The following SEMA5A variants were observed in gnomAD, a reference collection of about 807,000 sequenced individuals.
SEMA5A encodes semaphorin 5A.
SEMA5A carries 55 observed loss-of-function variants against 135.5 expected under a neutral mutation model. The ratio of observed to expected loss-of-function variants is 0.41; its 90% CI spans 0.33 to 0.51. SEMA5A has a LOEUF of 0.51. Among genes scored for constraint, SEMA5A ranks in the 20% least tolerant of loss-of-function variants. The probability of loss-of-function intolerance (pLI) is 0.37; values close to 1 mark genes in which losing one functional copy is unlikely to be tolerated. For missense variants in SEMA5A, 1,290 were observed against 1,419.9 expected, an observed-to-expected ratio of 0.91 and a Z score of 1.47; for synonymous variants, 580 against 546.5, an observed-to-expected ratio of 1.06 and a Z score of -0.85.
intron 5 of SEMA5A, among the ~76,000 whole-genome samples, chr5:9,296,439 A>T (rs1579298468): frequency 6.6e-6 from 1 of 152,332 alleles, no homozygotes; most frequent in East Asian, 1.9e-4. Context: ...CTATAAGTAC[A>T]TGATGTGACA....
intron 8 of SEMA5A, among the ~76,000 whole-genome samples, chr5:9,211,701 C>T (rs542255811): frequency 6.9e-4 from 105 of 152,322 alleles, no homozygotes; most frequent in African/African-American, 2.5e-3. Flanking sequence ...AGGAGATTTT[C>T]ATCCTCCAAG....
intron 16 of SEMA5A, among the ~76,000 whole-genome samples, chr5:9,087,710 T>G (rs982933507): frequency 1.3e-5 from 2 of 152,126 alleles, no homozygotes; most frequent in Non-Finnish European, 2.9e-5. Context: ...CCAGTTCATA[T>G]ATAAGGTTAT....
intron 3 of SEMA5A, among the ~76,000 whole-genome samples, chr5:9,351,712 T>G (rs1288548219): frequency 6.6e-6 from 1 of 152,142 alleles, no homozygotes; most frequent in Non-Finnish European, 1.5e-5. Context: ...ACATCATGAG[T>G]GTCCCCAGTT....
At chr5:9,280,825 C>T (rs1750503721) in intron 5 of SEMA5A, 4 of 428,614 alleles carry the variant, frequency 9.3e-6, no homozygotes, top group Non-Finnish European at 1.9e-5. Flanking sequence ...GAAATTGTTC[C>T]AATTATGAAT....
chr5:9,318,830 T>G (rs1217011853), intron 4 of SEMA5A, among the ~76,000 whole-genome samples: 5 of 152,238 alleles, frequency 3.3e-5, no homozygotes, highest in Non-Finnish European at 7.3e-5. Flanking sequence ...ATTAAGATTT[T>G]GAATTCAAGC....
intron 5 of SEMA5A, among the ~76,000 whole-genome samples, chr5:9,274,047 AT>A (rs1358845212): frequency 6.6e-6 from 1 of 152,176 alleles, no homozygotes. Context: ...AGACTGGCAA[AT>A]TGGATAAAGA....
intron 1 of SEMA5A, among the ~76,000 whole-genome samples, chr5:9,446,211 G>A (rs975254975): frequency 6.6e-6 from 1 of 152,170 alleles, no homozygotes; most frequent in Non-Finnish European, 1.5e-5. Context: ...CTGGCACTCA[G>A]TATTGCCTCA....
At position 9,037,796 on chromosome 5, in the gene SEMA5A, A is replaced by G. The variant is rs1375945921; in HGVS notation, c.*5101T>C. ...CTGAATTCCTTGGCTTAGTGTTTGT[A>G]GAGTTTAAAAAAAAATCTTTAAATC... On this transcript the variant is annotated 3_prime_UTR_variant, in exon 23 of 23. Coordinates refer to ENST00000382496, the MANE Select transcript of SEMA5A (RefSeq NM_003966.3). 1.3e-5 allele frequency: 2 copies of G among 152,324 alleles called. No individual in the cohort carries two copies. Among genetic ancestry groups the G allele is most frequent in the East Asian group, 3.9e-4 (2 of 5,184 alleles). 9.4% of individuals were successfully genotyped at this position (152,324 alleles called of 1,614,324 possible).
rs111814472 is a variant in SEMA5A at position 9,353,386 on chromosome 5, A to G, written c.125-15574T>C. On this transcript the variant is annotated intron_variant, in intron 3 of 22. Transcript: ENST00000382496. ...AGGAAAGGAAAGGAAAGGAAAGGAA[A>G]GGAAAGGAAGGGAAAGAAAGGAAGG... Among the ~76,000 whole-genome samples the G allele has an allele frequency of 8.9e-3, 1,264 of 142,330 alleles. 29 individuals carry two copies. The highest frequency in any genetic ancestry group is 0.033 in the African/African-American group (1,173 of 36,088). 93.4% of individuals were successfully genotyped at this position (142,330 alleles called of 152,430 possible).
chr5:9,521,024 A>C (rs1176794954), intron 1 of SEMA5A, among the ~76,000 whole-genome samples: 1 of 152,250 alleles, frequency 6.6e-6, no homozygotes, highest in African/African-American at 2.4e-5. Context: ...ACACAAGTGC[A>C]AGGCGTTAGC....
chr5:9,060,044 G>C (rs548658620), intron 18 of SEMA5A, among the ~76,000 whole-genome samples: 1 of 152,210 alleles, frequency 6.6e-6, no homozygotes, highest in Non-Finnish European at 1.5e-5. Context: ...CACACCCCTA[G>C]CACTTCCAAC....
chr5:9,328,272 C>T (rs1272932679), intron 4 of SEMA5A, among the ~76,000 whole-genome samples: 1 of 152,238 alleles, frequency 6.6e-6, no homozygotes, highest in African/African-American at 2.4e-5. Flanking sequence ...CCTCTACTCT[C>T]ACCTGATCCA....
chr5:9,446,395 G>A (rs536380274), intron 1 of SEMA5A, among the ~76,000 whole-genome samples: 1 of 152,194 alleles, frequency 6.6e-6, no homozygotes, highest in Admixed American at 6.5e-5. Context: ...TGCTCAAAAT[G>A]AGCAATTTCT....
chr5:9,057,547 T>C (rs373219203), intron 18 of SEMA5A, among the ~76,000 whole-genome samples: 1 of 152,214 alleles, frequency 6.6e-6, no homozygotes, highest in African/African-American at 2.4e-5. Context: ...TGGCACAGGA[T>C]CATTTATTGT....
intron 12 of SEMA5A, among the ~76,000 whole-genome samples, chr5:9,138,270 G>T (rs1453431349): frequency 6.6e-6 from 1 of 152,070 alleles, no homozygotes; most frequent in Non-Finnish European, 1.5e-5. Context: ...CCTAGTAGTA[G>T]TTTATACTGT....
chr5:9,267,029 G>A (rs1305440299), intron 5 of SEMA5A, among the ~76,000 whole-genome samples: 1 of 152,182 alleles, frequency 6.6e-6, no homozygotes, highest in African/African-American at 2.4e-5. Flanking sequence ...GTGAAGACGT[G>A]ATATACCTTA....
chr5:9,289,621 C>T (rs530101716), intron 5 of SEMA5A, among the ~76,000 whole-genome samples: 40 of 151,348 alleles, frequency 2.6e-4, no homozygotes, highest in African/African-American at 5.1e-4. Context: ...GACGAGATTG[C>T]GCCACTGCAT....
chr5:9,534,791 G>A (rs1737665087), intron 1 of SEMA5A, among the ~76,000 whole-genome samples: 1 of 152,198 alleles, frequency 6.6e-6, no homozygotes, highest in Non-Finnish European at 1.5e-5. Context: ...CATTGGGCAA[G>A]TCAGTCTTCT....
Position 9,237,858 on chromosome 5 carries a change from T to C in SEMA5A, c.303A>G (p.Lys101=). ...AVEWECDEAT[K]KACYSKGKSK... ...ATTTGCCTTTGCTGTAACAGGCCTT[T>C]TTGGTAGCTTCATCACACTCCCATT... Residue 101 remains lysine (K), a synonymous_variant, in exon 6 of 23, where the codon AAA becomes AAG. Transcript: ENST00000382496. 6.2e-7 allele frequency: 1 copy of C among 1,613,684 alleles called. No homozygotes were observed. Among genetic ancestry groups the C allele is most frequent in the Non-Finnish European group, 8.5e-7 (1 of 1,179,682 alleles).
Sources: gnomAD v4.1 joint callset for allele counts (sites outside exome capture counted in the v4.1 genomes callset) on GRCh38, gnomAD v4.1.1 for gene constraint, MANE v1.5 for transcripts, NCBI Gene and HGNC (gene_info 2026-07-23, HGNC 2026-07-21) for gene names.